The following NRXN1 variants were observed in gnomAD, a reference collection of about 807,000 sequenced individuals.
NRXN1 encodes the protein neurexin-1.
Under a neutral mutation model 150.9 loss-of-function variants are expected in NRXN1, and 39 were observed. The ratio of observed to expected loss-of-function variants is 0.26; its 90% confidence interval spans 0.20 to 0.34. NRXN1 has a LOEUF of 0.34. Ranked by LOEUF, NRXN1 falls within the 10% of genes least tolerant of loss-of-function variation. NRXN1 has a pLI of 1.00. For synonymous variants in NRXN1, 924 were observed against 757.0 expected (o/e 1.22, Z -3.62); for missense variants, 1,815 against 1,949.9 (o/e 0.93, Z 1.30).
chr2:50,470,497 C>T (rs2089355505), intron 16 of NRXN1, among the ~76,000 whole-genome samples: 1 of 151,754 alleles, frequency 6.6e-6, no homozygotes, highest in African/African-American at 2.4e-5. Context: ...TTCATGGAAA[C>T]ACATGCTGCA....
At chr2:49,988,400 A>T (rs1417323466) in intron 21 of NRXN1, among the ~76,000 whole-genome samples, 1 of 152,064 alleles carries the variant, frequency 6.6e-6, no homozygotes, top group Non-Finnish European at 1.5e-5. Context: ...CTGGGAAACA[A>T]AAAGAGGGGT....
At chr2:50,424,959 T>C (rs1035447005) in intron 17 of NRXN1, among the ~76,000 whole-genome samples, 1 of 152,182 alleles carries the variant, frequency 6.6e-6, no homozygotes, top group Non-Finnish European at 1.5e-5. Flanking sequence ...TTAGTAACAA[T>C]GAGAAACTGC....
chr2:50,060,807 T>G (rs1476646826), intron 19 of NRXN1, among the ~76,000 whole-genome samples: 1 of 152,176 alleles, frequency 6.6e-6, no homozygotes, highest in Non-Finnish European at 1.5e-5. Context: ...TCCTTCGTCT[T>G]TCTGACATGA....
intron 13 of NRXN1, among the ~76,000 whole-genome samples, chr2:50,502,461 C>A (rs35874387): frequency 0.28 from 43,211 of 151,690 alleles, 7,241 homozygotes; most frequent in South Asian, 0.39. Flanking sequence ...CACACGCATA[C>A]CCACACACAC....
chr2:50,969,293 T>C (rs528484462), intron 2 of NRXN1, among the ~76,000 whole-genome samples: 1 of 152,290 alleles, frequency 6.6e-6, no homozygotes, highest in Admixed American at 6.5e-5. Context: ...TACTTTTCTT[T>C]TGCTTCTTCA....
At chr2:50,634,362 G>C (rs375909526) in intron 5 of NRXN1, among the ~76,000 whole-genome samples, 1 of 152,170 alleles carries the variant, frequency 6.6e-6, no homozygotes, top group African/African-American at 2.4e-5. Context: ...CACATGAGCA[G>C]TTGGGTAAAT....
At chr2:50,819,639 T>A (rs1669432465) in intron 5 of NRXN1, among the ~76,000 whole-genome samples, 1 of 151,894 alleles carries the variant, frequency 6.6e-6, no homozygotes, top group Admixed American at 6.6e-5. Context: ...AACAATAGAG[T>A]CCTGCACACT....
chr2:50,417,186 A>G (rs1262105897), intron 17 of NRXN1: 4 of 152,092 alleles, frequency 2.6e-5, no homozygotes, highest in African/African-American at 9.7e-5. Flanking sequence ...GTCCAGTTGT[A>G]TCTGTATCTG....
At chr2:50,451,087 C>T (rs574371504) in intron 17 of NRXN1, among the ~76,000 whole-genome samples, 1 of 152,208 alleles carries the variant, frequency 6.6e-6, no homozygotes, top group Admixed American at 6.5e-5. Context: ...CTACTTCAGC[C>T]TCCTAGGTAG....
Position 51,028,306 on chromosome 2 carries a change from G to A in NRXN1, c.-33C>T, listed in dbSNP as rs767978871. On this transcript the variant is annotated 5_prime_UTR_variant, in exon 2 of 23. Transcript: ENST00000401669. ...GCTGGGGTGCGGCGGGGGGGTGCCG[G>A]GGCCGACAGGGTCAAAATGGTCCTG... 7.2e-7 allele frequency: 1 copy of A among 1,380,590 alleles called. No homozygotes were observed. The highest frequency in any genetic ancestry group is 1.5e-5 in the African/African-American group (1 of 68,456). The allele number at this position is 1,380,590 out of a possible 1,614,324, so 85.5% of individuals were successfully genotyped here.
intron 5 of NRXN1, among the ~76,000 whole-genome samples, chr2:50,657,858 A>ATCT (rs533545534): frequency 3.9e-5 from 6 of 152,002 alleles, no homozygotes; most frequent in Non-Finnish European, 8.8e-5. Flanking sequence ...AGGCTGTGGT[A>ATCT]TTTACTGAGG....
chr2:50,790,135 CCACACA>C (rs61580117), intron 5 of NRXN1, among the ~76,000 whole-genome samples: 2 of 146,850 alleles, frequency 1.4e-5, no homozygotes, highest in Non-Finnish European at 3.0e-5. Flanking sequence ...TTCCCTCCCA[CCACACA>C]CACACACACA....
At chr2:50,472,555 G>T in intron 15 of NRXN1, 84 bp from the exon 16 acceptor site, 2 of 1,062,182 alleles carry the variant, frequency 1.9e-6, no homozygotes, top group Non-Finnish European at 2.7e-6. Flanking sequence ...AAACAGGGAG[G>T]TTTATTTTTC....
intron 18 of NRXN1, among the ~76,000 whole-genome samples, chr2:50,201,731 G>T (rs1232255741): frequency 1.3e-5 from 2 of 152,128 alleles, no homozygotes; most frequent in Non-Finnish European, 2.9e-5. Context: ...AGTAATTCAG[G>T]GGTACTTAAC....
intron 2 of NRXN1, among the ~76,000 whole-genome samples, chr2:51,023,500 A>T (rs1414799559): frequency 6.6e-6 from 1 of 152,118 alleles, no homozygotes; most frequent in Non-Finnish European, 1.5e-5. Flanking sequence ...AATTTGGTTA[A>T]TTCTTTCTCA....
intron 5 of NRXN1, among the ~76,000 whole-genome samples, chr2:50,753,635 C>A (rs1028229196): frequency 6.6e-6 from 1 of 151,634 alleles, no homozygotes; most frequent in Non-Finnish European, 1.5e-5. Context: ...TCTTATCTCT[C>A]CCCTGAAGTT....
At chr2:49,988,650 C>T (rs1275637137) in intron 21 of NRXN1, among the ~76,000 whole-genome samples, 1 of 148,118 alleles carries the variant, frequency 6.8e-6, no homozygotes, top group Non-Finnish European at 1.5e-5. Context: ...GCCCTGAAGC[C>T]TGCCTATTCA....
At chr2:50,054,235 C>T (rs1374411430) in intron 20 of NRXN1, among the ~76,000 whole-genome samples, 1 of 96,874 alleles carries the variant, frequency 1.0e-5, no homozygotes, top group Non-Finnish European at 2.1e-5. Flanking sequence ...TCTATCAAAA[C>T]AAAACAAAAT....
At chr2:50,239,757 G>GA in intron 17 of NRXN1, among the ~76,000 whole-genome samples, 1 of 131,246 alleles carries the variant, frequency 7.6e-6, no homozygotes, top group South Asian at 2.4e-4. Context: ...AGGCAGTCAA[G>GA]AAAAAGTTAA....
Sources: gnomAD v4.1 joint callset for allele counts (sites outside exome capture counted in the v4.1 genomes callset) on GRCh38, gnomAD v4.1.1 for gene constraint, MANE v1.5 for transcripts, NCBI Gene and HGNC (gene_info 2026-07-23, HGNC 2026-07-21) for gene names.